ECE1: variants seen among roughly 807,000 people sequenced by gnomAD.
The protein encoded by ECE1 is endothelin converting enzyme 1, also known as endothelin-converting enzyme 1.
ECE1 carries 35 observed loss-of-function variants against 98.6 expected under a neutral mutation model. That is an observed-to-expected ratio of 0.35 (90% CI 0.27 to 0.47). ECE1 has a LOEUF of 0.47. Ranked by LOEUF, ECE1 falls within the 20% of genes least tolerant of loss-of-function variation. The pLI, the probability that ECE1 is intolerant of heterozygous loss-of-function variation, is 1.00. For synonymous variants in ECE1, 394 were observed against 407.1 expected, an observed-to-expected ratio of 0.97 and a Z score of 0.39; for missense variants, 814 against 1,025.3, an observed-to-expected ratio of 0.79 and a Z score of 2.81.
At chr1:21,253,088 GCT>G (rs2098214838) in intron 8 of ECE1, among the ~76,000 whole-genome samples, 2 of 151,548 alleles carry the variant, frequency 1.3e-5, no homozygotes. Context: ...ACGGAGTCTC[GCT>G]CTGTCACCCA....
At position 21,330,646 on chromosome 1, in the gene ECE1, G is replaced by A. The variant is rs371842085; in HGVS notation, c.3+14730C>T. On this transcript the variant is annotated intron_variant, in intron 1 of 18. Coordinates refer to the ECE1 transcript ENST00000415912. ...ATGCCTGGCACAGGAAACGTACTCA[G>A]CAAATGTTGCTTCAGTTTGAATGCC... 2.6e-5 allele frequency among the ~76,000 whole-genome samples: 4 copies of A among 152,186 alleles called. No homozygotes were observed. In the South Asian group the frequency reaches 8.3e-4, roughly 31 times the overall value.
intron 2 of ECE1, among the ~76,000 whole-genome samples, chr1:21,280,700 G>C (rs1050455588): frequency 6.6e-6 from 1 of 152,202 alleles, no homozygotes; most frequent in Non-Finnish European, 1.5e-5. Flanking sequence ...GGGTGCCCCT[G>C]GTGCCGGGTC....
chr1:21,276,684 C>CA lies in ECE1; in HGVS notation c.280+2506_280+2507insT, dbSNP rs1429407774. On this transcript the variant is annotated intron_variant, in intron 3 of 18. Coordinates refer to ENST00000374893, the MANE Select transcript of ECE1 (RefSeq NM_001397.3). ...CCTTCAGAATCATCAGATTTGCTTT[C>CA]TTTTTTTTTTTTTTTTTTTGAGACG... Among the ~76,000 whole-genome samples, 3 of 124,586 alleles carry CA rather than the reference C, an allele frequency of 2.4e-5. No homozygotes were observed. The East Asian group carries it at 7.0e-4, about 29-fold the overall frequency. The allele number at this position is 124,586 out of a possible 152,430, so 81.7% of individuals were successfully genotyped here. A position where few individuals can be genotyped will look rare whatever the true frequency, so the allele number is the denominator to read the frequency against.
rs1304681853 is a variant in ECE1, at chr1:21,219,502, G to C, written c.*453C>G. ...GCTTCCCTTGTCCACAGGTTATTTA[G>C]AAAAACAGAACATAATAAATATACC... is the stretch of plus-strand genomic sequence containing the variant. On this transcript the variant is annotated 3_prime_UTR_variant, in exon 19 of 19. Coordinates refer to ENST00000374893, the MANE Select transcript of ECE1 (RefSeq NM_001397.3). The surrounding 1 kb of genome is among the most constrained non-coding windows in gnomAD (Gnocchi z 4.5). 5.7e-6 allele frequency: 1 copy of C among 176,398 alleles called. No individual in the cohort carries two copies. The highest frequency in any genetic ancestry group is 2.4e-5 in the African/African-American group (1 of 42,206). 10.9% of individuals were successfully genotyped at this position (176,398 alleles called of 1,614,324 possible). A position where few individuals can be genotyped will look rare whatever the true frequency, so the allele number is the denominator to read the frequency against.
chr1:21,307,454 C>T lies in ECE1; in HGVS notation c.4-17298G>A, dbSNP rs974870048. 1.3e-5 allele frequency among the ~76,000 whole-genome samples: 2 copies of T among 152,172 alleles called. No homozygotes were observed. The highest frequency in any genetic ancestry group is 2.9e-5 in the Non-Finnish European group (2 of 68,032). The stretch of plus-strand genomic sequence containing the variant: ...GGGGTTATGAGCATCTAGTGAGACA[C>T]CACTAGAGTCTGTGTAAAGTGCCAA... On this transcript the variant is annotated intron_variant, in intron 1 of 18. Coordinates refer to the ECE1 transcript ENST00000415912. The surrounding 1 kb of genome is among the most constrained non-coding windows in gnomAD (Gnocchi z 4.2).
intron 5 of ECE1, among the ~76,000 whole-genome samples, chr1:21,259,659 C>A (rs905216726): frequency 6.6e-6 from 1 of 152,138 alleles, no homozygotes; most frequent in Non-Finnish European, 1.5e-5. Context: ...TTCCTGGAGC[C>A]AAGCTAAGAG....
chr1:21,308,431 T>C (rs1558426133), intron 1 of ECE1, among the ~76,000 whole-genome samples: 1 of 152,030 alleles, frequency 6.6e-6, no homozygotes, highest in Admixed American at 6.5e-5. Flanking sequence ...GAACAGCCCT[T>C]CTCTGGAATT....
At chr1:21,239,988 T>A (rs2098193972) in intron 10 of ECE1, among the ~76,000 whole-genome samples, 1 of 150,058 alleles carries the variant, frequency 6.7e-6, no homozygotes, top group Non-Finnish European at 1.5e-5. Flanking sequence ...CTGGCCAACA[T>A]GGTGAAACCC....
chr1:21,290,466 G>A, upstream of ECE1: 1 of 1,226,204 alleles, frequency 8.2e-7, no homozygotes, highest in Non-Finnish European at 1.0e-6. The surrounding 1 kb of genome is among the most constrained non-coding windows in gnomAD (Gnocchi z 7.3). Flanking sequence ...GATGGGATGG[G>A]CCGGGCCAGG....
At chr1:21,226,702 T>C (rs917777121) in intron 16 of ECE1, among the ~76,000 whole-genome samples, 4 of 152,192 alleles carry the variant, frequency 2.6e-5, no homozygotes, top group African/African-American at 9.6e-5. Flanking sequence ...GGCTAAATTT[T>C]TACTTTCTTA....
intron 4 of ECE1, 119 bp downstream of exon 4, chr1:21,272,580 C>A (rs1215122466): frequency 2.4e-6 from 3 of 1,256,954 alleles, no homozygotes; most frequent in African/African-American, 3.0e-5. Flanking sequence ...GTGTGAGCCA[C>A]CGTGCCCGGC....
At chr1:21,246,442 TG>T (rs1369917527) in intron 9 of ECE1, among the ~76,000 whole-genome samples, 1 of 140,288 alleles carries the variant, frequency 7.1e-6, no homozygotes, top group Non-Finnish European at 1.5e-5. Context: ...GAGGTTGCAG[TG>T]AGTTGAGATC....
chr1:21,331,087 C>T (rs889078298), intron 1 of ECE1, among the ~76,000 whole-genome samples: 2 of 152,074 alleles, frequency 1.3e-5, no homozygotes, highest in African/African-American at 4.8e-5. Flanking sequence ...CCAGCCTAGG[C>T]AACATAGCAA....
At chr1:21,250,333 T>A (rs1322543121) in intron 8 of ECE1, among the ~76,000 whole-genome samples, 1 of 152,256 alleles carries the variant, frequency 6.6e-6, no homozygotes, top group African/African-American at 2.4e-5. Flanking sequence ...CACGTACTGC[T>A]ATTTTTAGTG....
At chr1:21,256,698 C>T (rs778428122) in intron 7 of ECE1, 2 of 153,234 alleles carry the variant, frequency 1.3e-5, no homozygotes, top group African/African-American at 2.4e-5. Flanking sequence ...CTGGGCTGGT[C>T]CCTGTCTTCC....
chr1:21,306,131 T>C (rs758645992), intron 1 of ECE1, among the ~76,000 whole-genome samples: 1 of 152,180 alleles, frequency 6.6e-6, no homozygotes, highest in South Asian at 2.1e-4. Context: ...CAAATATTTA[T>C]TATGTACCTA....
At chr1:21,313,436 G>A (rs1638769330) in intron 1 of ECE1, among the ~76,000 whole-genome samples, 1 of 152,192 alleles carries the variant, frequency 6.6e-6, no homozygotes, top group South Asian at 2.1e-4. Flanking sequence ...GTGGGGGAAT[G>A]ATGACTGCAT....
chr1:21,289,085 T>C (rs889454927), intron 2 of ECE1, among the ~76,000 whole-genome samples: 1 of 152,194 alleles, frequency 6.6e-6, no homozygotes, highest in African/African-American at 2.4e-5. Flanking sequence ...GCCTGGCAAC[T>C]AAGCGTCCAT....
chr1:21,252,536 GGCTCAGGCCCAAACAGCC>G (rs2098214140), intron 8 of ECE1, among the ~76,000 whole-genome samples: 2 of 152,234 alleles, frequency 1.3e-5, no homozygotes, highest in Admixed American at 1.3e-4. Flanking sequence ...TAGAAAATGG[GGCTCAGGCCCAAACAGCC>G]TTTGGCGTGA....
Sources: gnomAD v4.1 joint callset for allele counts (sites outside exome capture counted in the v4.1 genomes callset) on GRCh38, gnomAD v4.1.1 for gene constraint, Gnocchi (gnomAD v3.1) non-coding constraint, MANE v1.5 for transcripts, NCBI Gene and HGNC (gene_info 2026-07-23, HGNC 2026-07-21) for gene names.